Variants in PTPRF observed in about 807,000 individuals in gnomAD.
PTPRF encodes the protein receptor-type tyrosine-protein phosphatase F.
In PTPRF, 59 loss-of-function variants were observed where a neutral mutation model predicts 201.8. The observed-to-expected ratio is 0.29, with a 90% CI of 0.24 to 0.36. PTPRF has a LOEUF of 0.36. PTPRF is among the 10% of genes least tolerant of loss of function. The pLI is 1.00. For missense variants in PTPRF, 2,132 were observed against 2,690.5 expected (o/e 0.79, Z 4.59); for synonymous variants, 1,088 against 1,089.7 (o/e 1.00, Z 0.03).
chr1:43,606,511 G>A, intron 20 of PTPRF, 53 bp downstream of exon 20: 1 of 1,519,680 alleles, frequency 6.6e-7, no homozygotes, highest in Non-Finnish European at 9.0e-7. Flanking sequence ...GGCCTGGCCT[G>A]AGACGATGCC....
At chr1:43,600,356 C>T (rs1653444647) in intron 13 of PTPRF, among the ~76,000 whole-genome samples, 1 of 152,148 alleles carries the variant, frequency 6.6e-6, no homozygotes, top group Non-Finnish European at 1.5e-5. Context: ...GGGAGCTGGG[C>T]CAGAGGCTCA....
intron 3 of PTPRF, among the ~76,000 whole-genome samples, chr1:43,545,960 C>T (rs1057437125): frequency 2.6e-5 from 4 of 152,220 alleles, no homozygotes; most frequent in East Asian, 1.9e-4. Context: ...TGGTGGGAGG[C>T]GGGGCACAGG....
intron 3 of PTPRF, among the ~76,000 whole-genome samples, chr1:43,547,765 A>G (rs562861613): frequency 6.6e-6 from 1 of 152,344 alleles, no homozygotes; most frequent in East Asian, 1.9e-4. Flanking sequence ...GTTAGCCCAG[A>G]GGCCCCAGTG....
Position 43,576,018 on chromosome 1 carries a change from C to T in PTPRF, c.569-2792C>T, listed in dbSNP as rs552773282. The stretch of plus-strand genomic sequence containing the variant: ...CCGTCCAGTCTGTCACCTCCCCATC[C>T]CCATCCCAACCTCTTCAGCCTCCTC... On this transcript the variant is annotated intron_variant, in intron 6 of 33. Transcript: ENST00000359947. 6 of 1,201,906 alleles carry T rather than the reference C, an allele frequency of 5.0e-6. No homozygotes were observed. In the East Asian group the frequency reaches 2.6e-4, roughly 52 times the overall value. The allele number at this position is 1,201,906 out of a possible 1,614,324, so 74.5% of individuals were successfully genotyped here. A position where few individuals can be genotyped will look rare whatever the true frequency, so the allele number is the denominator to read the frequency against.
At chr1:43,606,492 G>T in intron 20 of PTPRF, 34 bp downstream of exon 20, 1 of 1,579,890 alleles carries the variant, frequency 6.3e-7, no homozygotes, top group Non-Finnish European at 8.6e-7. Flanking sequence ...TCAGCACCCT[G>T]ATTCCCTGGG....
At chr1:43,566,126 C>A (rs1481019795) in intron 5 of PTPRF, among the ~76,000 whole-genome samples, 1 of 152,122 alleles carries the variant, frequency 6.6e-6, no homozygotes, top group Non-Finnish European at 1.5e-5. Flanking sequence ...TGAGCCGTGC[C>A]GGCCGAGGCG....
intron 6 of PTPRF, among the ~76,000 whole-genome samples, chr1:43,572,206 G>C (rs967745826): frequency 6.6e-6 from 1 of 152,224 alleles, no homozygotes; most frequent in Non-Finnish European, 1.5e-5. Flanking sequence ...GGCCTTGCAG[G>C]GAGGGCCTGG....
chr1:43,552,270 TG>T (rs1645085580), intron 3 of PTPRF, among the ~76,000 whole-genome samples: 1 of 152,178 alleles, frequency 6.6e-6, no homozygotes. Context: ...CCACTGACTC[TG>T]TTCTTGTCAA....
intron 5 of PTPRF, among the ~76,000 whole-genome samples, chr1:43,564,707 C>T (rs559829901): frequency 4.6e-5 from 7 of 152,290 alleles, no homozygotes; most frequent in East Asian, 1.9e-4. Context: ...GGCTCACAGA[C>T]GGTGCCACCC....
chr1:43,621,014 G>C, intron 32 of PTPRF, 22 bp downstream of exon 32: 1 of 1,610,856 alleles, frequency 6.2e-7, no homozygotes, highest in Non-Finnish European at 8.5e-7. Context: ...CCCCTGGAGG[G>C]CTGGGGTGGG....
chr1:43,605,522 C>A lies in PTPRF; in HGVS notation c.3390-7C>A. 6.2e-7 allele frequency: 1 copy of A among 1,614,106 alleles called. No homozygotes were observed. The highest frequency in any genetic ancestry group is 1.1e-5 in the South Asian group (1 of 91,078). ...TGACAGTCCTGATTCCTGCCCTGCC[C>A]ACCCAGGTGGTTCTACATTGTTGTG... On this transcript the variant is annotated splice_region_variant and splice_polypyrimidine_tract_variant and intron_variant, in intron 18 of 33. Coordinates refer to ENST00000359947, the MANE Select transcript of PTPRF (RefSeq NM_002840.5).
At chr1:43,531,426 C>G (rs1362985158) in intron 1 of PTPRF, among the ~76,000 whole-genome samples, 1 of 136,366 alleles carries the variant, frequency 7.3e-6, no homozygotes, top group Non-Finnish European at 1.6e-5. Flanking sequence ...CAAAGTTTCC[C>G]GTTTGCGTTC....
At chr1:43,620,642 C>G in intron 31 of PTPRF, 63 bp downstream of exon 31, 2 of 1,584,592 alleles carry the variant, frequency 1.3e-6, no homozygotes, top group Non-Finnish European at 1.7e-6. Context: ...GGATGGCTGC[C>G]TGCATGGTAC....
intron 22 of PTPRF, among the ~76,000 whole-genome samples, chr1:43,612,242 C>T (rs2154029796): frequency 6.6e-6 from 1 of 152,146 alleles, no homozygotes; most frequent in Admixed American, 6.5e-5. Flanking sequence ...GTGGCCACGT[C>T]CTGTGGGCAG....
chr1:43,559,497 G>A (rs1384753658), intron 5 of PTPRF, among the ~76,000 whole-genome samples: 4 of 151,400 alleles, frequency 2.6e-5, no homozygotes, highest in East Asian at 1.9e-4. Flanking sequence ...TGTGCCGTGC[G>A]GCAGGCTACC....
intron 2 of PTPRF, among the ~76,000 whole-genome samples, chr1:43,544,484 C>T (rs1644536292): frequency 6.6e-6 from 1 of 152,202 alleles, no homozygotes; most frequent in Non-Finnish European, 1.5e-5. Context: ...GGCCTGTGCT[C>T]AGCGTGCTCG....
chr1:43,605,759 C>T, intron 19 of PTPRF, 137 bp downstream of exon 19: 1 of 850,074 alleles, frequency 1.2e-6, no homozygotes, highest in Non-Finnish European at 1.9e-6. Flanking sequence ...GCAGCCCGCC[C>T]CTCTCTGGAG....
chr1:43,577,289 A>G (rs1413534215), intron 6 of PTPRF, among the ~76,000 whole-genome samples: 2 of 152,188 alleles, frequency 1.3e-5, no homozygotes, highest in Non-Finnish European at 2.9e-5. Flanking sequence ...ACTAGTGTCC[A>G]TCCATCCCAT....
At chr1:43,541,951 A>G (rs921610562) in intron 2 of PTPRF, among the ~76,000 whole-genome samples, 1 of 152,162 alleles carries the variant, frequency 6.6e-6, no homozygotes, top group Admixed American at 6.5e-5. Context: ...GCCCAGGCTC[A>G]CCCAGCCATG....
Sources: gnomAD v4.1 joint callset for allele counts (sites outside exome capture counted in the v4.1 genomes callset) on GRCh38, gnomAD v4.1.1 for gene constraint, MANE v1.5 for transcripts, NCBI Gene and HGNC (gene_info 2026-07-23, HGNC 2026-07-21) for gene names.